TYW3: variants seen among roughly 807,000 people sequenced by gnomAD.
TYW3 encodes tRNA-yW synthesizing protein 3 homolog.
A neutral mutation model predicts 23.1 loss-of-function variants in TYW3; 26 were observed. The observed-to-expected ratio is 1.13, with a 90% confidence interval of 0.83 to 1.56. The LOEUF is 1.56. Ranked by LOEUF, TYW3 falls within the 40% of genes most tolerant of loss-of-function variation. The pLI, the probability that TYW3 is intolerant of heterozygous loss-of-function variation, is 0.00. For synonymous variants in TYW3, 102 were observed against 105.7 expected (o/e 0.97, Z 0.21); for missense variants, 316 against 311.9 (o/e 1.01, Z -0.10).
intron 3 of TYW3, among the ~76,000 whole-genome samples, chr1:74,746,968 G>T (rs1217946388): frequency 2.0e-5 from 3 of 152,210 alleles, no homozygotes; most frequent in Non-Finnish European, 4.4e-5. Context: ...TGCAGGAAAG[G>T]GTTTGGAGTA....
intron 5 of TYW3, among the ~76,000 whole-genome samples, chr1:74,756,824 C>T (rs1309206555): frequency 6.6e-6 from 1 of 152,286 alleles, no homozygotes; most frequent in South Asian, 2.1e-4. Context: ...GCCCAGAGGC[C>T]TAGGAGGAAA....
chr1:74,741,893 C>G (rs1293166886), intron 3 of TYW3, among the ~76,000 whole-genome samples: 1 of 152,174 alleles, frequency 6.6e-6, no homozygotes, highest in East Asian at 1.9e-4. Context: ...GGATTGTGGC[C>G]TCCAGGCACA....
In TYW3 at chr1:74,765,828, GAATT is replaced by G. The variant is rs572787602; in HGVS notation, c.*1718_*1721del. 2 of 152,042 alleles carry G rather than the reference GAATT, an allele frequency of 1.3e-5. No homozygotes were observed. Among genetic ancestry groups the G allele is most frequent in the African/African-American group, 2.4e-5 (1 of 41,404 alleles). The allele number at this position is 152,042 out of a possible 1,614,324, so 9.4% of individuals were successfully genotyped here. A position where few individuals can be genotyped will look rare whatever the true frequency, so the allele number is the denominator to read the frequency against. Reference sequence around the variant, plus strand: ...TTCCATAAACTGAATATATGAATGAGAATTAAGAAGAGAGGGGCTGCTTCCTAAT... The same window carrying G: ...TTCCATAAACTGAATATATGAATGAGAAGAAGAGAGGGGCTGCTTCCTAAT... On this transcript the variant is annotated 3_prime_UTR_variant, in exon 6 of 6. Coordinates refer to ENST00000370867, the MANE Select transcript of TYW3 (RefSeq NM_138467.3).
At position 74,738,676 on chromosome 1, in the gene TYW3, GTTCA is replaced by G. The variant is rs1252417615; in HGVS notation, c.256-11_256-8del. On this transcript the variant is annotated splice_polypyrimidine_tract_variant and intron_variant, in intron 2 of 5. Transcript: ENST00000370867. ...CCATATACTTGCATCTGATACCACT[GTTCA>G]TTTATTTAGATTGTAGCTCTGAAGA... 6.3e-7 allele frequency: 1 copy of G among 1,587,400 alleles called. No homozygotes were observed. The highest frequency in any genetic ancestry group is 8.6e-7 in the Non-Finnish European group (1 of 1,160,650).
chr1:74,739,446 C>T (rs116814216), intron 3 of TYW3, among the ~76,000 whole-genome samples: 2,358 of 152,342 alleles, frequency 0.015, 29 homozygotes, highest in Non-Finnish European at 0.026. Flanking sequence ...GTGCAAAAAG[C>T]AGCTCACTTG....
At chr1:74,735,521 A>G (rs933879200) in intron 1 of TYW3, among the ~76,000 whole-genome samples, 1 of 152,208 alleles carries the variant, frequency 6.6e-6, no homozygotes, top group African/African-American at 2.4e-5. Flanking sequence ...GCCTTATTTC[A>G]GTAAGGATTT....
chr1:74,734,345 T>C (rs923936672), intron 1 of TYW3, among the ~76,000 whole-genome samples: 4 of 152,208 alleles, frequency 2.6e-5, no homozygotes, highest in Non-Finnish European at 5.9e-5. Context: ...TCAGATCGAC[T>C]GTGGTGGTAT....
intron 3 of TYW3, among the ~76,000 whole-genome samples, chr1:74,739,866 C>T (rs548270870): frequency 2.8e-4 from 42 of 152,118 alleles, no homozygotes; most frequent in Non-Finnish European, 3.7e-4. Flanking sequence ...GGAATAGATT[C>T]AATATGTATT....
chr1:74,733,257 G>C lies in TYW3; in HGVS notation c.13G>C (p.Ala5Pro). 6.2e-7 allele frequency: 1 copy of C among 1,614,068 alleles called. No individual in the cohort carries two copies. Among genetic ancestry groups the C allele is most frequent in the Non-Finnish European group, 8.5e-7 (1 of 1,179,984 alleles). The change falls in exon 1 of 6, where the codon GCG becomes CCG. Residue 5 changes from alanine to proline, a missense_variant. Coordinates refer to ENST00000370867, the MANE Select transcript of TYW3 (RefSeq NM_138467.3). ...GAGTCCGTCACCCATGGATCGCAGC[G>C]CGGAGTTCAGGAAATGGAAGGCGCA... MDRS[A>P]EFRKWKAQCL...
rs138519344 is a variant in TYW3 at position 74,752,328 on chromosome 1, A to G, written c.463A>G (p.Ser155Gly). The change falls in exon 5 of 6, where the codon AGC becomes GGC. Residue 155 changes from serine to glycine, a missense_variant. Ser to Gly is a moderately conservative substitution (Grantham distance 56). Transcript: ENST00000370867. ...TACACATGGCTTAGAAGTTCCATTA[A>G]GCCATAAGGGAAAACTGATGGTGAC... Reference protein sequence around the residue: ...RSTHGLEVPLSHKGKLMVTEE... With the variant: ...RSTHGLEVPLGHKGKLMVTEE... 1.5e-5 allele frequency: 25 copies of G among 1,612,964 alleles called. No individual in the cohort carries two copies. In the African/African-American group the frequency reaches 3.3e-4, roughly 22 times the overall value.
rs277368 is a variant in TYW3, at chr1:74,764,922, C to G, written c.*809C>G. The G allele has an allele frequency of 1.3e-5, 2 of 152,118 alleles. No homozygotes were observed. The highest frequency in any genetic ancestry group is 2.1e-4 in the South Asian group (1 of 4,818). 9.4% of individuals were successfully genotyped at this position (152,118 alleles called of 1,614,324 possible). A position where few individuals can be genotyped will look rare whatever the true frequency, so the allele number is the denominator to read the frequency against. Reference sequence around the variant, plus strand: ...AAAGGCTGAAACACAGCATGTGATGCGAGTCAAGGTAGTTGATGCCCAACT... The same window carrying G: ...AAAGGCTGAAACACAGCATGTGATGGGAGTCAAGGTAGTTGATGCCCAACT... On this transcript the variant is annotated 3_prime_UTR_variant, in exon 6 of 6. Coordinates refer to ENST00000370867, the MANE Select transcript of TYW3 (RefSeq NM_138467.3).
At chr1:74,751,680 A>G (rs1256946217) in intron 4 of TYW3, among the ~76,000 whole-genome samples, 1 of 152,174 alleles carries the variant, frequency 6.6e-6, no homozygotes, top group Non-Finnish European at 1.5e-5. Context: ...GAAAAAAAAA[A>G]AAAGAAAATG....
chr1:74,742,531 C>T (rs1008181205), intron 3 of TYW3, among the ~76,000 whole-genome samples: 1 of 152,146 alleles, frequency 6.6e-6, no homozygotes, highest in South Asian at 2.1e-4. Flanking sequence ...AGGGTCCTTC[C>T]GTAGGTATTT....
intron 5 of TYW3, among the ~76,000 whole-genome samples, chr1:74,757,126 G>A (rs941479885): frequency 9.2e-5 from 14 of 152,230 alleles, no homozygotes; most frequent in African/African-American, 2.2e-4. Context: ...GGCCCTCATG[G>A]AGAACCTCTG....
intron 2 of TYW3, among the ~76,000 whole-genome samples, chr1:74,737,926 AGT>A (rs1337651160): frequency 6.6e-6 from 1 of 152,176 alleles, no homozygotes; most frequent in African/African-American, 2.4e-5. Flanking sequence ...ATCAGGGCAG[AGT>A]GATGGCATGT....
At chr1:74,761,140 C>G (rs779823415) in intron 5 of TYW3, among the ~76,000 whole-genome samples, 1 of 151,302 alleles carries the variant, frequency 6.6e-6, no homozygotes, top group Non-Finnish European at 1.5e-5. Context: ...TTTTGAAAAT[C>G]AGGCTTAAGT....
chr1:74,735,598 T>C (rs1465677309), intron 1 of TYW3, among the ~76,000 whole-genome samples: 1 of 152,046 alleles, frequency 6.6e-6, no homozygotes, highest in Non-Finnish European at 1.5e-5. Flanking sequence ...AAAGAAAATA[T>C]AGATAAGATG....
intron 5 of TYW3, among the ~76,000 whole-genome samples, chr1:74,757,659 T>G (rs1197626987): frequency 6.6e-6 from 1 of 152,160 alleles, no homozygotes; most frequent in African/African-American, 2.4e-5. Context: ...TATGGACTTT[T>G]GAGTTCATGC....
At chr1:74,740,253 CT>C (rs1648305440) in intron 3 of TYW3, among the ~76,000 whole-genome samples, 1 of 152,152 alleles carries the variant, frequency 6.6e-6, no homozygotes, top group Non-Finnish European at 1.5e-5. Context: ...AGTGTTACAG[CT>C]CTTAAAGGTG....
Sources: gnomAD v4.1 joint callset for allele counts (sites outside exome capture counted in the v4.1 genomes callset) on GRCh38, gnomAD v4.1.1 for gene constraint, MANE v1.5 for transcripts, NCBI Gene and HGNC (gene_info 2026-07-23, HGNC 2026-07-21) for gene names.